LGALS9B: variants seen among roughly 807,000 people sequenced by gnomAD.
LGALS9B encodes the protein galectin 9B, also known as galectin-9B.
Under a neutral mutation model 35.9 loss-of-function variants are expected in LGALS9B, and 8 were observed. The ratio of observed to expected loss-of-function variants is 0.22; its 90% CI spans 0.13 to 0.40. The LOEUF is 0.40. LGALS9B is among the 10% of genes least tolerant of loss of function. The probability of loss-of-function intolerance (pLI) is 1.00; values close to 1 mark genes in which losing one functional copy is unlikely to be tolerated. For synonymous variants in LGALS9B, 42 were observed against 148.6 expected (o/e 0.28, Z 5.22); for missense variants, 101 against 397.9 (o/e 0.25, Z 6.35).
intron 8 of LGALS9B, 94 bp from the exon 9 acceptor site, chr17:20,451,977 G>C: frequency 7.3e-7 from 1 of 1,373,000 alleles, no homozygotes; most frequent in African/African-American, 1.4e-5. Context: ...AATTTAGGCT[G>C]TCAGCTGAGA....
chr17:20,467,351 A>C, intron 1 of LGALS9B, 81 bp downstream of exon 1: 1 of 1,298,414 alleles, frequency 7.7e-7, no homozygotes, highest in South Asian at 1.3e-5. Flanking sequence ...GTCTCCTGCC[A>C]CCCAGGAGTT....
At chr17:20,465,580 T>G (rs2042756075) in intron 1 of LGALS9B, among the ~76,000 whole-genome samples, 1 of 70,382 alleles carries the variant, frequency 1.4e-5, no homozygotes, top group East Asian at 4.4e-4. Flanking sequence ...CACCCACGCT[T>G]CTAACCACCA....
chr17:20,464,093 G>A (rs1209685195), intron 1 of LGALS9B, among the ~76,000 whole-genome samples: 3 of 89,948 alleles, frequency 3.3e-5, no homozygotes, highest in Non-Finnish European at 6.2e-5. Flanking sequence ...TGTTTGTTGT[G>A]TTTTTTTTTT....
chr17:20,465,751 G>A lies in LGALS9B; in HGVS notation c.39+1681C>T, dbSNP rs916243566. ...AAGTGGGAGTGAGGTTTCCAAGCCA[G>A]GCCCTCATGGCACTCAGCCCTCCTC... On this transcript the variant is annotated intron_variant, in intron 1 of 10. Coordinates refer to ENST00000423676, the MANE Select transcript of LGALS9B (RefSeq NM_001367292.2). Among the ~76,000 whole-genome samples the A allele has an allele frequency of 5.9e-4, 75 of 127,160 alleles. 4 individuals carry two copies. The highest frequency in any genetic ancestry group is 2.2e-3 in the African/African-American group (70 of 32,380). 83.4% of individuals were successfully genotyped at this position (127,160 alleles called of 152,430 possible). A position where few individuals can be genotyped will look rare whatever the true frequency, so the allele number is the denominator to read the frequency against.
At chr17:20,458,506 G>C in intron 2 of LGALS9B, 122 bp from the exon 3 acceptor site, 1 of 1,481,500 alleles carries the variant, frequency 6.7e-7, no homozygotes, top group East Asian at 2.3e-5. Flanking sequence ...CTGCGTGGCA[G>C]AGACTGCTTG....
At position 20,458,389 on chromosome 17, in the gene LGALS9B, G is replaced by GC. The variant is rs1252999099; in HGVS notation, c.132-6dup. Reference sequence around the variant, plus strand: ...GTCTGAAAGTCCACAGCAAACCTAGGCCCAGGAAAAGCAAATAGTCTTCTG... The same window carrying GC: ...GTCTGAAAGTCCACAGCAAACCTAGGCCCCAGGAAAAGCAAATAGTCTTCTG... On this transcript the variant is annotated splice_region_variant and splice_polypyrimidine_tract_variant and intron_variant, in intron 2 of 10. Coordinates refer to ENST00000423676, the MANE Select transcript of LGALS9B (RefSeq NM_001367292.2). 1.2e-6 allele frequency: 2 copies of GC among 1,608,040 alleles called. No homozygotes were observed. Among genetic ancestry groups the GC allele is most frequent in the Non-Finnish European group, 1.7e-6 (2 of 1,177,304 alleles).
chr17:20,465,346 CAACACTGT>C (rs2042754275), intron 1 of LGALS9B, among the ~76,000 whole-genome samples: 1 of 86,556 alleles, frequency 1.2e-5, no homozygotes, highest in South Asian at 4.8e-4. Flanking sequence ...TTCTGACCTC[CAACACTGT>C]AAGCACAAAT....
chr17:20,464,986 T>G (rs1017202542), intron 1 of LGALS9B, among the ~76,000 whole-genome samples: 12 of 152,246 alleles, frequency 7.9e-5, no homozygotes, highest in Non-Finnish European at 1.3e-4. Flanking sequence ...CTCTGGCCCA[T>G]GTCGGCCTTG....
chr17:20,460,826 T>TG (rs1402221338), intron 1 of LGALS9B, among the ~76,000 whole-genome samples: 13 of 134,848 alleles, frequency 9.6e-5, no homozygotes, highest in Middle Eastern at 7.0e-3. Flanking sequence ...TAGGTAGCAA[T>TG]GGGGCTGCTG....
At chr17:20,464,067 G>A (rs1383741567) in intron 1 of LGALS9B, among the ~76,000 whole-genome samples, 2 of 146,866 alleles carry the variant, frequency 1.4e-5, no homozygotes, top group African/African-American at 5.0e-5. Flanking sequence ...AGCTGGTTTT[G>A]GGGGTTTTGT....
chr17:20,454,592 T>C (rs1231300575), intron 5 of LGALS9B, among the ~76,000 whole-genome samples: 1 of 140,866 alleles, frequency 7.1e-6, no homozygotes, highest in Non-Finnish European at 1.6e-5. Flanking sequence ...TGCTGTGAAC[T>C]GGCATGGCAC....
At position 20,466,849 on chromosome 17, in the gene LGALS9B, C is replaced by A. The variant is rs185351094; in HGVS notation, c.39+583G>T. On this transcript the variant is annotated intron_variant, in intron 1 of 10. Transcript: ENST00000423676. ...AGAGCACAGACACCTCCTCGGGAGG[C>A]CTTCCCTGCTGCCCCCAGACTCCCA... Among the ~76,000 whole-genome samples the A allele has an allele frequency of 2.5e-3, 367 of 148,472 alleles. 7 individuals are homozygous for A. The highest frequency in any genetic ancestry group is 1.9e-3 in the African/African-American group (72 of 38,184).
intron 10 of LGALS9B, among the ~76,000 whole-genome samples, 176 bp downstream of exon 10, chr17:20,451,305 T>C (rs557444430): frequency 2.0e-3 from 263 of 133,732 alleles, no homozygotes; most frequent in Non-Finnish European, 3.4e-3. Context: ...GCTTCCTTCA[T>C]GCAGGACAGT....
rs1423445425 is a variant in LGALS9B at position 20,451,652 on chromosome 17, G to A, written c.762-9C>T. The A allele has an allele frequency of 4.4e-6, 7 of 1,598,376 alleles. No homozygotes were observed. The African/African-American group carries it at 8.2e-5, about 19-fold the overall frequency. The stretch of plus-strand genomic sequence containing the variant: ...ACAGGTTGATGTGGAACCTGCGGTG[G>A]GCAGCCTACCTGGACCTTTGTCCAC... On this transcript the variant is annotated splice_polypyrimidine_tract_variant and intron_variant, in intron 9 of 10. Transcript: ENST00000423676.
intron 3 of LGALS9B, 147 bp downstream of exon 3, chr17:20,458,031 AACACC>A (rs2042700410): frequency 2.6e-6 from 2 of 759,084 alleles, no homozygotes; most frequent in African/African-American, 3.4e-5. Context: ...AGCCATGGGT[AACACC>A]CTTACAAGGA....
intron 1 of LGALS9B, among the ~76,000 whole-genome samples, chr17:20,464,981 G>C (rs894930479): frequency 1.3e-5 from 2 of 152,216 alleles, no homozygotes; most frequent in Non-Finnish European, 2.9e-5. Flanking sequence ...TGAGCCTCTG[G>C]CCCATGTCGG....
chr17:20,464,918 G>A (rs2042751194), intron 1 of LGALS9B, among the ~76,000 whole-genome samples: 1 of 152,228 alleles, frequency 6.6e-6, no homozygotes, highest in African/African-American at 2.4e-5. Context: ...AATGCCATGT[G>A]CTGAGTCCCT....
chr17:20,461,162 T>C (rs1597497393), intron 1 of LGALS9B, among the ~76,000 whole-genome samples: 1 of 151,078 alleles, frequency 6.6e-6, no homozygotes, highest in Non-Finnish European at 1.5e-5. Context: ...AAAGGAGCTA[T>C]GGGCCATGGT....
At position 20,455,380 on chromosome 17, in the gene LGALS9B, C is replaced by T. The variant is rs758795245; in HGVS notation, c.463G>A (p.Val155Ile). Residue 155 changes from valine (V) to isoleucine (I), a missense_variant, in exon 5 of 11, where the codon GTT (valine) becomes ATT (isoleucine). Transcript: ENST00000423676. ...ISFQNPRTVP[V>I]QPAFSTVPFS... The stretch of plus-strand genomic sequence containing the variant: ...GGCACCGTGGAGAAGGCAGGCTGAA[C>T]GGGGACTGTGCGGGGATTCTGTTAA... The T allele has an allele frequency of 4.4e-6, 6 of 1,356,700 alleles. 1 individual carries two copies. Among genetic ancestry groups the T allele is most frequent in the South Asian group, 2.4e-5 (2 of 85,016 alleles). 84.0% of individuals were successfully genotyped at this position (1,356,700 alleles called of 1,614,324 possible).
Sources: allele counts gnomAD v4.1 joint callset (sites outside exome capture counted in the v4.1 genomes callset), GRCh38; gene constraint gnomAD v4.1.1; transcripts MANE v1.5; gene names NCBI Gene and HGNC (gene_info 2026-07-23, HGNC 2026-07-21).